Variants in XXYLT1 observed in about 807,000 individuals in gnomAD.
The protein encoded by XXYLT1 is xyloside xylosyltransferase 1.
A neutral mutation model predicts 28.9 loss-of-function variants in XXYLT1; 20 were observed. The observed-to-expected ratio is 0.69, with a 90% confidence interval of 0.49 to 1.00. The LOEUF (loss-of-function observed/expected upper bound fraction) is 1.00. Among genes scored for constraint, XXYLT1 ranks in the 50% least tolerant of loss-of-function variants. XXYLT1 has a pLI of 0.00. For missense variants in XXYLT1, 542 were observed against 560.1 expected, an observed-to-expected ratio of 0.97 and a Z score of 0.33; for synonymous variants, 257 against 253.8, an observed-to-expected ratio of 1.01 and a Z score of -0.12.
intron 2 of XXYLT1, among the ~76,000 whole-genome samples, chr3:195,178,172 C>A (rs546378605): frequency 1.3e-5 from 2 of 151,850 alleles, no homozygotes; most frequent in Non-Finnish European, 2.9e-5. Flanking sequence ...CCCCATCCCT[C>A]GCTCTTCCCC....
chr3:195,260,210 C>T (rs1160374039), intron 1 of XXYLT1: 3 of 150,400 alleles, frequency 2.0e-5, no homozygotes, highest in Non-Finnish European at 4.4e-5. Context: ...CAGCGGCGCC[C>T]CCAGGCGGCC....
At chr3:195,260,492 A>G (rs1725658865) in intron 1 of XXYLT1, among the ~76,000 whole-genome samples, 2 of 152,162 alleles carry the variant, frequency 1.3e-5, no homozygotes, top group African/African-American at 4.8e-5. Context: ...CCAGCCCCGG[A>G]CACCGCGCGG....
intron 1 of XXYLT1, among the ~76,000 whole-genome samples, chr3:195,269,903 T>C (rs1725961257): frequency 6.6e-6 from 1 of 152,200 alleles, no homozygotes; most frequent in Non-Finnish European, 1.5e-5. Context: ...TGGTCCAGCC[T>C]GGGACAAGGC....
chr3:195,101,819 G>A (rs2108677548), intron 3 of XXYLT1, among the ~76,000 whole-genome samples: 1 of 140,332 alleles, frequency 7.1e-6, no homozygotes, highest in South Asian at 2.7e-4. Context: ...GGGGAGAGGG[G>A]AAGGGAGGGG....
chr3:195,103,384 C>CTCACA (rs1716906906), intron 3 of XXYLT1, among the ~76,000 whole-genome samples: 1 of 150,868 alleles, frequency 6.6e-6, no homozygotes, highest in African/African-American at 2.5e-5. Flanking sequence ...CGTCCATCAC[C>CTCACA]CCACGCCAGC....
chr3:195,096,292 G>A (rs1033331016), intron 3 of XXYLT1, among the ~76,000 whole-genome samples: 3 of 152,190 alleles, frequency 2.0e-5, no homozygotes, highest in Admixed American at 6.5e-5. Flanking sequence ...GATCTGTGTG[G>A]CCAGACGGGG....
intron 1 of XXYLT1, among the ~76,000 whole-genome samples, chr3:195,242,542 GAAGA>G (rs1724824030): frequency 6.6e-6 from 1 of 152,182 alleles, no homozygotes; most frequent in Non-Finnish European, 1.5e-5. Flanking sequence ...AAGAAAGAAG[GAAGA>G]AAGAAGGGAA....
intron 3 of XXYLT1, among the ~76,000 whole-genome samples, chr3:195,146,185 T>C (rs1033803286): frequency 2.0e-5 from 3 of 152,216 alleles, no homozygotes; most frequent in African/African-American, 7.2e-5. Flanking sequence ...TCCCTTCATG[T>C]GGGGCTGGTC....
intron 3 of XXYLT1, among the ~76,000 whole-genome samples, chr3:195,112,282 G>A (rs926844262): frequency 3.3e-5 from 5 of 152,100 alleles, no homozygotes; most frequent in East Asian, 1.9e-4. Context: ...CACGGGTTTC[G>A]CTGATGCTTT....
chr3:195,112,784 C>T (rs1717841285), intron 3 of XXYLT1, among the ~76,000 whole-genome samples: 1 of 151,536 alleles, frequency 6.6e-6, no homozygotes, highest in Non-Finnish European at 1.5e-5. Context: ...CACCCATGCA[C>T]ACACGCAGCT....
Position 195,180,863 on chromosome 3 carries a change from C to T in XXYLT1, c.653-24282G>A, listed in dbSNP as rs974028454. Among the ~76,000 whole-genome samples the T allele has an allele frequency of 4.6e-5, 7 of 152,230 alleles. No homozygotes were observed. Among genetic ancestry groups the T allele is most frequent in the Admixed American group, 3.3e-4 (5 of 15,288 alleles). ...CGTGAGGGGTCCTCAAGGCCACTGT[C>T]GCCCAGACCTTTAGCTATACAAAAG... On this transcript the variant is annotated intron_variant, in intron 2 of 3. Transcript: ENST00000310380. The surrounding 1 kb of genome is among the most constrained non-coding windows in gnomAD (Gnocchi z 5.8).
intron 3 of XXYLT1, among the ~76,000 whole-genome samples, chr3:195,121,711 C>T (rs754043863): frequency 3.3e-5 from 5 of 152,206 alleles, no homozygotes; most frequent in Non-Finnish European, 5.9e-5. Context: ...CTGAGGGCCT[C>T]GTGCTGAGAC....
At chr3:195,169,864 TATA>T (rs1560132403) in intron 2 of XXYLT1, among the ~76,000 whole-genome samples, 1 of 133,270 alleles carries the variant, frequency 7.5e-6, no homozygotes, top group African/African-American at 3.2e-5. Flanking sequence ...TATATATATA[TATA>T]TATTTTTTTT....
intron 3 of XXYLT1, among the ~76,000 whole-genome samples, chr3:195,147,488 T>G (rs1719922063): frequency 6.6e-6 from 1 of 152,144 alleles, no homozygotes; most frequent in Non-Finnish European, 1.5e-5. Flanking sequence ...GAGAATCGCT[T>G]GAACCCGGGA....
Position 195,068,350 on chromosome 3 carries a change from C to G in XXYLT1, c.*1365G>C, listed in dbSNP as rs1228678366. The G allele has an allele frequency of 6.6e-6, 1 of 151,890 alleles. No homozygotes were observed. The highest frequency in any genetic ancestry group is 1.5e-5 in the Non-Finnish European group (1 of 67,980). The allele number at this position is 151,890 out of a possible 1,614,324, so 9.4% of individuals were successfully genotyped here. A position where few individuals can be genotyped will look rare whatever the true frequency, so the allele number is the denominator to read the frequency against. On this transcript the variant is annotated 3_prime_UTR_variant, in exon 4 of 4. Coordinates refer to ENST00000310380, the MANE Select transcript of XXYLT1 (RefSeq NM_152531.5). ...AAGAAAAACGTAAATGAAATCAAAACAAAACAAGATGAAAATTGATACAAA... is the reference window on the plus strand; with the variant it reads ...AAGAAAAACGTAAATGAAATCAAAAGAAAACAAGATGAAAATTGATACAAA...
rs146824671 is a variant in XXYLT1 at position 195,168,255 on chromosome 3, A to C, written c.653-11674T>G. ...GCCCTACCACCCTGTGATTCTGAAC[A>C]GGAATGGTCTTTGCCCCTCACTCAT... On this transcript the variant is annotated intron_variant, in intron 2 of 3. Transcript: ENST00000310380. The surrounding 1 kb of genome is among the most constrained non-coding windows in gnomAD (Gnocchi z 4.3). 6.6e-6 allele frequency among the ~76,000 whole-genome samples: 1 copy of C among 152,338 alleles called. No individual in the cohort carries two copies. Among genetic ancestry groups the C allele is most frequent in the African/African-American group, 2.4e-5 (1 of 41,580 alleles).
intron 1 of XXYLT1, among the ~76,000 whole-genome samples, chr3:195,247,426 C>A (rs894116346): frequency 2.0e-5 from 3 of 152,274 alleles, no homozygotes; most frequent in Non-Finnish European, 4.4e-5. Context: ...AAAGGAGGCA[C>A]TGAGCCAGAT....
intron 1 of XXYLT1, among the ~76,000 whole-genome samples, chr3:195,269,151 G>A (rs766455593): frequency 2.6e-5 from 4 of 152,224 alleles, no homozygotes; most frequent in Non-Finnish European, 4.4e-5. Flanking sequence ...ATCCGGCAAC[G>A]GTGCAGAGTA....
rs1553808229 is a variant in XXYLT1, at chr3:195,134,884, C to CGCGT, written c.785+21564_785+21565insACGC. Among the ~76,000 whole-genome samples the CGCGT allele has an allele frequency of 4.9e-4, 33 of 66,802 alleles. No homozygotes were observed. The East Asian group carries it at 0.025, about 51-fold the overall frequency. 43.8% of individuals were successfully genotyped at this position (66,802 alleles called of 152,430 possible). A position where few individuals can be genotyped will look rare whatever the true frequency, so the allele number is the denominator to read the frequency against. On this transcript the variant is annotated intron_variant, in intron 3 of 3. Transcript: ENST00000310380. ...GTGTGTGTGTGCGTGTGCGCGCGTG[C>CGCGT]GCGCACGTGCAAAGAGCTATCAGCT...
Sources: allele counts gnomAD v4.1 joint callset (sites outside exome capture counted in the v4.1 genomes callset), GRCh38; gene constraint gnomAD v4.1.1; non-coding constraint Gnocchi (gnomAD v3.1); transcripts MANE v1.5; gene names NCBI Gene and HGNC (gene_info 2026-07-23, HGNC 2026-07-21).